Variants in GNB4 observed in about 807,000 individuals in gnomAD.
GNB4 encodes the protein G protein subunit beta 4, also known as guanine nucleotide-binding protein subunit beta-4.
A neutral mutation model predicts 45.2 loss-of-function variants in GNB4; 28 were observed. The ratio of observed to expected loss-of-function variants is 0.62; its 90% CI spans 0.46 to 0.85. GNB4 has a LOEUF of 0.85. Among genes scored for constraint, GNB4 ranks in the 40% least tolerant of loss-of-function variants. The pLI is 0.00. For missense variants in GNB4, 321 were observed against 425.4 expected, an observed-to-expected ratio of 0.75 and a Z score of 2.16; for synonymous variants, 132 against 143.7, an observed-to-expected ratio of 0.92 and a Z score of 0.58.
chr3:179,471,133 C>G, the GNB4 span, among the ~76,000 whole-genome samples: 5 of 148,724 alleles, frequency 3.4e-5, no homozygotes, highest in Admixed American at 6.7e-5. Context: ...GAGTTGAGAT[C>G]GCGCCACTGC....
chr3:179,408,501 T>G (rs964632511), intron 8 of GNB4, among the ~76,000 whole-genome samples: 9 of 152,214 alleles, frequency 5.9e-5, no homozygotes, highest in Admixed American at 5.9e-4. Context: ...AAAAAAAATC[T>G]GATTAGGGGC....
intron 2 of GNB4, among the ~76,000 whole-genome samples, chr3:179,422,140 T>C (rs1714999448): frequency 6.6e-6 from 1 of 152,228 alleles, no homozygotes; most frequent in African/African-American, 2.4e-5. Flanking sequence ...ACATTAATAT[T>C]AGTAACACAA....
At chr3:179,411,341 G>C (rs1714645355) in intron 8 of GNB4, among the ~76,000 whole-genome samples, 1 of 151,712 alleles carries the variant, frequency 6.6e-6, no homozygotes, top group Admixed American at 6.6e-5. Context: ...TAATGAAGTT[G>C]GTCATAATTT....
At chr3:179,527,790 A>ATGTATGTG in the GNB4 span, among the ~76,000 whole-genome samples, 3 of 142,336 alleles carry the variant, frequency 2.1e-5, no homozygotes, top group African/African-American at 7.7e-5. Flanking sequence ...GTGTGTATGT[A>ATGTATGTG]TGTGTGTGTG....
Position 179,421,045 on chromosome 3 carries a change from A to T in GNB4, c.58-118T>A, listed in dbSNP as rs556032294. On this transcript the variant is annotated intron_variant, in intron 2 of 9. Transcript: ENST00000232564. ...TTCTCACTGTACCACATCTTTAAAA[A>T]TTTTTTTAATTGATATAAAAATCAC... The T allele has an allele frequency of 6.4e-4, 400 of 625,462 alleles. 3 individuals are homozygous for T. Among genetic ancestry groups the T allele is most frequent in the South Asian group, 4.9e-3 (239 of 49,096 alleles). The allele number at this position is 625,462 out of a possible 1,614,324, so 38.7% of individuals were successfully genotyped here. A position where few individuals can be genotyped will look rare whatever the true frequency, so the allele number is the denominator to read the frequency against.
the GNB4 span, among the ~76,000 whole-genome samples, chr3:179,522,439 C>T: frequency 1.3e-5 from 2 of 152,226 alleles, no homozygotes; most frequent in Non-Finnish European, 2.9e-5. Context: ...TTTTATTGCT[C>T]ACACAAAGCC....
intron 1 of GNB4, among the ~76,000 whole-genome samples, chr3:179,432,435 G>GT (rs1488887870): frequency 6.6e-6 from 1 of 152,086 alleles, no homozygotes; most frequent in East Asian, 1.9e-4. Context: ...GCCAACAACT[G>GT]TTGGATTCCT....
the GNB4 span, among the ~76,000 whole-genome samples, chr3:179,477,309 A>C: frequency 6.6e-6 from 1 of 152,184 alleles, no homozygotes; most frequent in Non-Finnish European, 1.5e-5. Context: ...TTCCTCTTGC[A>C]TCTTACTGTA....
chr3:179,501,159 T>C, the GNB4 span, among the ~76,000 whole-genome samples: 1 of 152,200 alleles, frequency 6.6e-6, no homozygotes, highest in Non-Finnish European at 1.5e-5. Flanking sequence ...TTGTCTACCA[T>C]GCTGTCAGCT....
At chr3:179,514,075 C>T in the GNB4 span, among the ~76,000 whole-genome samples, 2 of 152,138 alleles carry the variant, frequency 1.3e-5, no homozygotes, top group African/African-American at 4.8e-5. Context: ...GTTGATACCT[C>T]AGGAATGCAT....
the GNB4 span, among the ~76,000 whole-genome samples, chr3:179,471,178 CAAAA>C: frequency 1.6e-3 from 217 of 132,282 alleles, no homozygotes; most frequent in East Asian, 0.023. Flanking sequence ...GACTCCGTCT[CAAAA>C]AAAAAAAAAA....
intron 9 of GNB4, 67 bp from the exon 10 acceptor site, chr3:179,401,386 G>T (rs1714295971): frequency 8.3e-6 from 7 of 847,022 alleles, no homozygotes; most frequent in Non-Finnish European, 1.3e-5. Flanking sequence ...TATATGCAGA[G>T]ATTTAAAAGG....
the GNB4 span, among the ~76,000 whole-genome samples, chr3:179,477,912 A>G: frequency 2.0e-5 from 3 of 152,126 alleles, no homozygotes; most frequent in African/African-American, 4.8e-5. Context: ...TGTTTTAGCA[A>G]CAGTCCCACT....
At chr3:179,436,186 G>A (rs1715442655) in intron 1 of GNB4, among the ~76,000 whole-genome samples, 1 of 152,112 alleles carries the variant, frequency 6.6e-6, no homozygotes, top group Admixed American at 6.6e-5. Context: ...ATCGCCTGAG[G>A]CAGGGAGTTC....
chr3:179,433,233 A>C (rs1715355610), intron 1 of GNB4, among the ~76,000 whole-genome samples: 1 of 152,168 alleles, frequency 6.6e-6, no homozygotes, highest in Non-Finnish European at 1.5e-5. Flanking sequence ...CCAAAGATGA[A>C]GACAAACAGG....
the GNB4 span, among the ~76,000 whole-genome samples, chr3:179,525,684 C>T: frequency 2.0e-5 from 3 of 152,186 alleles, no homozygotes; most frequent in Admixed American, 1.3e-4. Context: ...TGACCAGCGC[C>T]GGAGTTTTGG....
chr3:179,418,588 T>C (rs1714881463), intron 4 of GNB4, among the ~76,000 whole-genome samples: 1 of 152,192 alleles, frequency 6.6e-6, no homozygotes, highest in African/African-American at 2.4e-5. Context: ...TCTATATTAT[T>C]GTGGTCAAGT....
chr3:179,514,084 A>G, the GNB4 span, among the ~76,000 whole-genome samples: 569 of 152,354 alleles, frequency 3.7e-3, 5 homozygotes, highest in African/African-American at 0.013. Context: ...TCAGGAATGC[A>G]TAGCAGAGTT....
In GNB4 at chr3:179,405,372, G is replaced by C; in HGVS notation, c.734C>G (p.Ser245Cys). ...AAAGAGCCGGCAAGTGGCATCATCAGAGCCAGTGGCGAAGGCATATCCATT... is the reference window on the plus strand; with the variant it reads ...AAAGAGCCGGCAAGTGGCATCATCACAGCCAGTGGCGAAGGCATATCCATT... ...FPNGYAFATG[S>C]DDATCRLFDL... Residue 245 changes from serine (S) to cysteine (C), a missense_variant, in exon 9 of 10, where the codon TCT (serine) becomes TGT (cysteine). Ser to Cys is a moderately radical substitution (Grantham distance 112, BLOSUM62 -1). Coordinates refer to ENST00000232564, the MANE Select transcript of GNB4 (RefSeq NM_021629.4). 1 of 1,613,640 alleles carries C rather than the reference G, an allele frequency of 6.2e-7. No homozygotes were observed.
Sources: gnomAD v4.1 joint callset for allele counts (sites outside exome capture counted in the v4.1 genomes callset) on GRCh38, gnomAD v4.1.1 for gene constraint, MANE v1.5 for transcripts, NCBI Gene and HGNC (gene_info 2026-07-23, HGNC 2026-07-21) for gene names.